The following HTR1F variants were observed in gnomAD, a reference collection of about 807,000 sequenced individuals.
HTR1F encodes the protein 5-hydroxytryptamine (serotonin) receptor 1F, G protein-coupled.
In HTR1F, 17 loss-of-function variants were observed where a neutral mutation model predicts 24.0. The ratio of observed to expected loss-of-function variants is 0.71; its 90% CI spans 0.48 to 1.06. The LOEUF (loss-of-function observed/expected upper bound fraction) is 1.06. Among genes scored for constraint, HTR1F ranks in the 50% least tolerant of loss-of-function variants. HTR1F has a pLI of 0.00. For synonymous variants in HTR1F, 186 were observed against 156.8 expected (o/e 1.19, Z -1.39); for missense variants, 391 against 427.8 (o/e 0.91, Z 0.76).
chr3:87,909,180 C>G (rs1197458094), intron 2 of HTR1F, among the ~76,000 whole-genome samples: 1 of 152,022 alleles, frequency 6.6e-6, no homozygotes, highest in Non-Finnish European at 1.5e-5. Flanking sequence ...CCCTGCTGTG[C>G]AAAGGAGATA....
intron 2 of HTR1F, among the ~76,000 whole-genome samples, chr3:87,948,581 A>G (rs1478193187): frequency 6.6e-6 from 1 of 151,826 alleles, no homozygotes; most frequent in African/African-American, 2.4e-5. Context: ...TCCTGGGCGC[A>G]AGCAGTCTTC....
intron 2 of HTR1F, among the ~76,000 whole-genome samples, chr3:87,946,155 C>T (rs1405423953): frequency 6.6e-6 from 1 of 152,200 alleles, no homozygotes; most frequent in Non-Finnish European, 1.5e-5. Flanking sequence ...TCGGGAGCGG[C>T]AATGGGCGCA....
intron 2 of HTR1F, among the ~76,000 whole-genome samples, chr3:87,907,197 A>ATTT (rs34920865): frequency 0.087 from 12,817 of 147,770 alleles, 1,714 homozygotes; most frequent in African/African-American, 0.29. Context: ...GCCAACATTT[A>ATTT]TTTTTTTTTT....
At chr3:87,972,788 T>A (rs192116485) in intron 2 of HTR1F, among the ~76,000 whole-genome samples, 1 of 152,148 alleles carries the variant, frequency 6.6e-6, no homozygotes, top group South Asian at 2.1e-4. Flanking sequence ...TGTCATACGC[T>A]AAAGAAGCTT....
At chr3:87,913,694 A>G (rs1703829908) in intron 2 of HTR1F, among the ~76,000 whole-genome samples, 1 of 152,202 alleles carries the variant, frequency 6.6e-6, no homozygotes, top group South Asian at 2.1e-4. Context: ...GCACCCATCA[A>G]TGGCAGATTG....
chr3:87,830,116 C>A (rs181698836), intron 2 of HTR1F, among the ~76,000 whole-genome samples: 104 of 152,102 alleles, frequency 6.8e-4, no homozygotes, highest in Admixed American at 2.2e-3. Context: ...AAAACAAAAT[C>A]TTCTTGGGTA....
At chr3:87,842,312 C>G (rs981120985) in intron 2 of HTR1F, among the ~76,000 whole-genome samples, 1 of 151,712 alleles carries the variant, frequency 6.6e-6, no homozygotes, top group African/African-American at 2.4e-5. Context: ...AGGCGCCCAC[C>G]ACCACGCCCG....
At chr3:87,965,617 A>T (rs1705148138) in intron 2 of HTR1F, among the ~76,000 whole-genome samples, 1 of 152,188 alleles carries the variant, frequency 6.6e-6, no homozygotes, top group East Asian at 1.9e-4. Flanking sequence ...GGGACACTAG[A>T]TAATAATGTC....
chr3:87,932,320 G>C (rs531771301), intron 2 of HTR1F, among the ~76,000 whole-genome samples: 2 of 152,064 alleles, frequency 1.3e-5, no homozygotes, highest in Non-Finnish European at 2.9e-5. Flanking sequence ...CCTATTTCTT[G>C]TTTTTCTCAG....
chr3:87,924,113 C>A (rs376814540), intron 2 of HTR1F, among the ~76,000 whole-genome samples: 1 of 151,910 alleles, frequency 6.6e-6, no homozygotes, highest in African/African-American at 2.4e-5. Flanking sequence ...GCAATAAAGC[C>A]ATTTGGTCCT....
intron 2 of HTR1F, among the ~76,000 whole-genome samples, chr3:87,866,028 A>T (rs968262160): frequency 6.6e-5 from 10 of 152,256 alleles, no homozygotes; most frequent in African/African-American, 2.4e-4. Flanking sequence ...AATGCCAGAA[A>T]ATTTTTCCTG....
intron 1 of HTR1F, among the ~76,000 whole-genome samples, chr3:87,800,606 G>T (rs1182838439): frequency 1.3e-5 from 2 of 152,134 alleles, no homozygotes; most frequent in African/African-American, 2.4e-5. Context: ...AGGCAGAAAT[G>T]GAGTCTTTTC....
chr3:87,805,954 C>T (rs759030602), intron 1 of HTR1F, among the ~76,000 whole-genome samples: 11 of 152,028 alleles, frequency 7.2e-5, no homozygotes, highest in South Asian at 4.1e-4. Context: ...CATGCACATT[C>T]ATTACTTTCA....
intron 1 of HTR1F, chr3:87,793,646 G>T (rs1319368832): frequency 6.6e-6 from 1 of 152,180 alleles, no homozygotes; most frequent in Non-Finnish European, 1.5e-5. Context: ...TGCAAACGGA[G>T]ATGGGCATTT....
intron 1 of HTR1F, among the ~76,000 whole-genome samples, chr3:87,820,614 C>T (rs1704341176): frequency 6.6e-6 from 1 of 151,966 alleles, no homozygotes; most frequent in South Asian, 2.1e-4. Context: ...TTCAATAGCA[C>T]TTCATAAAAT....
chr3:87,866,857 T>TGTGTGTG, intron 2 of HTR1F, among the ~76,000 whole-genome samples: 3 of 150,396 alleles, frequency 2.0e-5, no homozygotes, highest in African/African-American at 4.9e-5. Flanking sequence ...CGTGTGTGTG[T>TGTGTGTG]TCAGGGAGCA....
chr3:87,975,069 C>T (rs1219879181), intron 2 of HTR1F, among the ~76,000 whole-genome samples: 1 of 152,002 alleles, frequency 6.6e-6, no homozygotes, highest in Non-Finnish European at 1.5e-5. Flanking sequence ...TTATTAGTAT[C>T]GGTCTCAAGT....
intron 1 of HTR1F, among the ~76,000 whole-genome samples, chr3:87,796,541 G>C (rs1703909059): frequency 6.6e-6 from 1 of 152,108 alleles, no homozygotes; most frequent in South Asian, 2.1e-4. Flanking sequence ...AAGAGTTCTA[G>C]AGCAGTCCAA....
chr3:87,828,231 C>CT (rs1213670311), intron 2 of HTR1F, among the ~76,000 whole-genome samples: 3 of 152,352 alleles, frequency 2.0e-5, no homozygotes, highest in Non-Finnish European at 4.4e-5. Context: ...CAAAAACCCA[C>CT]TTTGTAACTG....
Sources: allele counts gnomAD v4.1 joint callset (sites outside exome capture counted in the v4.1 genomes callset), GRCh38; gene constraint gnomAD v4.1.1; transcripts MANE v1.5; gene names NCBI Gene and HGNC (gene_info 2026-07-23, HGNC 2026-07-21).